Variants in SHTN1 observed in about 807,000 individuals in gnomAD.
SHTN1 encodes shootin-1.
In SHTN1, 42 loss-of-function variants were observed where a neutral mutation model predicts 83.1. The observed-to-expected ratio is 0.51, with a 90% CI of 0.39 to 0.65. The LOEUF is 0.65. Ranked by LOEUF, SHTN1 falls within the 30% of genes least tolerant of loss-of-function variation. SHTN1 has a pLI of 0.00. For missense variants in SHTN1, 622 were observed against 737.8 expected (o/e 0.84, Z 1.82); for synonymous variants, 224 against 247.7 (o/e 0.90, Z 0.90).
rs760201067 is a variant in SHTN1, at chr10:116,901,837, G to T, written c.1601C>A (p.Ser534Tyr). ...KTLEAEFNSP[S>Y]PPTPEPGEGP... is the part of the protein sequence containing the mutation. ...TTCACCTGGCTCAGGTGTTGGGGGG[G>T]ACGGGCTGTTGAATTCTGCCTCCAG... is the stretch of plus-strand genomic sequence containing the variant. Residue 534 changes from serine to tyrosine, a missense_variant, in exon 16 of 17, where the codon TCC becomes TAC. Coordinates refer to ENST00000355371, the MANE Select transcript of SHTN1 (RefSeq NM_001127211.3). 1 of 1,605,218 alleles carries T rather than the reference G, an allele frequency of 6.2e-7. No homozygotes were observed. The highest frequency in any genetic ancestry group is 8.5e-7 in the Non-Finnish European group (1 of 1,177,568).
intron 2 of SHTN1, among the ~76,000 whole-genome samples, chr10:117,013,503 C>T (rs905135226): frequency 6.6e-6 from 1 of 152,088 alleles, no homozygotes; most frequent in Non-Finnish European, 1.5e-5. Flanking sequence ...GGAAAATAAG[C>T]ACATGAAAAG....
At chr10:116,965,148 G>A (rs774716179) in intron 3 of SHTN1, among the ~76,000 whole-genome samples, 4 of 152,172 alleles carry the variant, frequency 2.6e-5, no homozygotes, top group Non-Finnish European at 5.9e-5. Flanking sequence ...CATTTATCCT[G>A]GGAAAAGTAT....
chr10:116,940,426 T>C, intron 9 of SHTN1, 40 bp downstream of exon 9: 2 of 1,570,924 alleles, frequency 1.3e-6, no homozygotes, highest in Non-Finnish European at 1.7e-6. Context: ...TATGCATGTA[T>C]GTGTGTGTGT....
chr10:117,001,689 C>T (rs943673060), intron 1 of SHTN1, among the ~76,000 whole-genome samples: 29 of 152,122 alleles, frequency 1.9e-4, no homozygotes, highest in African/African-American at 7.0e-4. Context: ...AGGGTGACTA[C>T]AGTTAACAAC....
intron 1 of SHTN1, among the ~76,000 whole-genome samples, chr10:117,112,227 A>T (rs749842433): frequency 1.6e-4 from 25 of 152,058 alleles, no homozygotes; most frequent in Non-Finnish European, 3.2e-4. Flanking sequence ...CGGCCTCCCA[A>T]ACTGCTGAGA....
chr10:116,987,767 T>A (rs1255611378), intron 1 of SHTN1, among the ~76,000 whole-genome samples: 1 of 151,826 alleles, frequency 6.6e-6, no homozygotes, highest in African/African-American at 2.4e-5. Context: ...AAACAAAAAT[T>A]AGCCAGGAGT....
At chr10:117,123,319 G>T (rs151056115) in intron 1 of SHTN1, among the ~76,000 whole-genome samples, 1 of 152,044 alleles carries the variant, frequency 6.6e-6, no homozygotes, top group East Asian at 1.9e-4. Context: ...TCATTTTCCC[G>T]TTCTCTACCT....
At chr10:116,905,882 C>T (rs933256205) in intron 15 of SHTN1, among the ~76,000 whole-genome samples, 13 of 152,176 alleles carry the variant, frequency 8.5e-5, no homozygotes, top group Non-Finnish European at 1.3e-4. Flanking sequence ...ACTGAAGACA[C>T]GCACAGTTAT....
chr10:117,015,707 CT>C (rs1435571841), intron 2 of SHTN1, among the ~76,000 whole-genome samples: 1 of 152,194 alleles, frequency 6.6e-6, no homozygotes, highest in Non-Finnish European at 1.5e-5. Context: ...GTGGCAATTT[CT>C]TTGAAAGTCT....
At chr10:117,053,129 T>C (rs1489280975) in intron 1 of SHTN1, among the ~76,000 whole-genome samples, 2 of 151,072 alleles carry the variant, frequency 1.3e-5, no homozygotes, top group African/African-American at 2.4e-5. Context: ...GCCTAAACTA[T>C]AAAAGAAGTT....
intron 11 of SHTN1, among the ~76,000 whole-genome samples, chr10:116,925,425 G>C (rs1308223690): frequency 6.6e-6 from 1 of 152,076 alleles, no homozygotes; most frequent in East Asian, 1.9e-4. Context: ...GTCAAACTTT[G>C]GAATAAAACT....
intron 2 of SHTN1, among the ~76,000 whole-genome samples, chr10:117,039,169 A>G (rs536256779): frequency 1.3e-4 from 20 of 152,370 alleles, no homozygotes; most frequent in African/African-American, 4.8e-4. Flanking sequence ...CTAAAAAGAA[A>G]GGAGCATCAA....
chr10:116,932,791 A>G (rs1849018315), intron 9 of SHTN1, among the ~76,000 whole-genome samples: 1 of 152,222 alleles, frequency 6.6e-6, no homozygotes, highest in African/African-American at 2.4e-5. Context: ...TAACAGTTTT[A>G]GAAGTAGTGA....
chr10:116,947,295 T>G (rs1849630413), intron 7 of SHTN1, among the ~76,000 whole-genome samples: 1 of 152,152 alleles, frequency 6.6e-6, no homozygotes, highest in Admixed American at 6.5e-5. Context: ...TCCATCCACT[T>G]CTGGTGAGTC....
chr10:117,050,686 G>A (rs931071007), intron 1 of SHTN1, among the ~76,000 whole-genome samples: 21 of 151,420 alleles, frequency 1.4e-4, no homozygotes, highest in African/African-American at 4.1e-4. Flanking sequence ...ACAAACCTTA[G>A]CTAGAATGAC....
chr10:116,973,212 G>A (rs1373943478), intron 2 of SHTN1, among the ~76,000 whole-genome samples: 4 of 152,130 alleles, frequency 2.6e-5, no homozygotes, highest in African/African-American at 9.7e-5. Flanking sequence ...ATATTCTGTT[G>A]TACGTATACG....
intron 1 of SHTN1, among the ~76,000 whole-genome samples, chr10:116,992,239 G>C (rs1342407809): frequency 2.6e-5 from 4 of 152,166 alleles, no homozygotes; most frequent in Non-Finnish European, 5.9e-5. Context: ...TTCTATCTTA[G>C]TTGGAAATCT....
intron 2 of SHTN1, among the ~76,000 whole-genome samples, chr10:116,977,691 T>TC (rs1168852948): frequency 3.3e-5 from 5 of 151,922 alleles, no homozygotes; most frequent in Non-Finnish European, 4.4e-5. Context: ...TGTGTGTGTT[T>TC]TGAGACAAGA....
At chr10:116,944,675 GAGATA>G (rs1849508585) in intron 8 of SHTN1, among the ~76,000 whole-genome samples, 2 of 151,972 alleles carry the variant, frequency 1.3e-5, no homozygotes, top group South Asian at 4.2e-4. Context: ...AGCAGATCAC[GAGATA>G]AGGAGATCAA....
Sources: allele counts gnomAD v4.1 joint callset (sites outside exome capture counted in the v4.1 genomes callset), GRCh38; gene constraint gnomAD v4.1.1; transcripts MANE v1.5; gene names NCBI Gene and HGNC (gene_info 2026-07-23, HGNC 2026-07-21).